The following CARS2 variants were observed in gnomAD, a reference collection of about 807,000 sequenced individuals.
CARS2 encodes the protein probable cysteine--tRNA ligase, mitochondrial.
Under a neutral mutation model 68.8 loss-of-function variants are expected in CARS2, and 52 were observed. The observed-to-expected ratio is 0.76, with a 90% CI of 0.61 to 0.95. The LOEUF is 0.95. Ranked by LOEUF, CARS2 falls within the 40% of genes least tolerant of loss-of-function variation. The pLI, the probability that CARS2 is intolerant of heterozygous loss-of-function variation, is 0.00. For missense variants in CARS2, 780 were observed against 754.2 expected (o/e 1.03, Z -0.40); for synonymous variants, 314 against 303.6 (o/e 1.03, Z -0.36).
At chr13:110,697,713 G>C (rs951306490) in intron 3 of CARS2, among the ~76,000 whole-genome samples, 1 of 152,202 alleles carries the variant, frequency 6.6e-6, no homozygotes, top group African/African-American at 2.4e-5. Context: ...GATTACAGGC[G>C]TGAGCCACTG....
In CARS2 at chr13:110,676,396, C is replaced by A. The variant is rs1258415230; in HGVS notation, c.785+578G>T. On this transcript the variant is annotated intron_variant, in intron 7 of 14. Transcript: ENST00000257347. This position sits in a 1 kb window ranked among gnomAD's most constrained non-coding sequence, Gnocchi z 4.0. ...GGTGTTTCCAGAGTAGGGGATGCCG[C>A]AGTGGGCCAGGAGAGCAGTGTCGTG... Among the ~76,000 whole-genome samples, 1 of 152,180 alleles carries A rather than the reference C, an allele frequency of 6.6e-6. No individual in the cohort carries two copies. The highest frequency in any genetic ancestry group is 1.5e-5 in the Non-Finnish European group (1 of 68,018).
chr13:110,667,969 C>T (rs554157381), intron 7 of CARS2, among the ~76,000 whole-genome samples: 2 of 152,302 alleles, frequency 1.3e-5, no homozygotes, highest in South Asian at 4.1e-4. Context: ...TCTGCAAACC[C>T]ATACAAAAAA....
chr13:110,681,183 G>C (rs1461737441), intron 6 of CARS2, among the ~76,000 whole-genome samples: 1 of 152,282 alleles, frequency 6.6e-6, no homozygotes, highest in African/African-American at 2.4e-5. Context: ...GGAATTACAG[G>C]TGTGAGCCAC....
intron 1 of CARS2, chr13:110,713,100 G>C: frequency 2.1e-6 from 3 of 1,439,418 alleles, no homozygotes; most frequent in Non-Finnish European, 2.7e-6. Context: ...GGAGGACTTG[G>C]GTTTCTAGTA....
At chr13:110,679,886 G>GGTTAAAGA (rs1238985830) in intron 6 of CARS2, among the ~76,000 whole-genome samples, 1 of 152,172 alleles carries the variant, frequency 6.6e-6, no homozygotes, top group Non-Finnish European at 1.5e-5. Flanking sequence ...TAAGGTGATG[G>GGTTAAAGA]CAGCAATGGG....
chr13:110,692,363 C>T (rs987043756), intron 3 of CARS2, among the ~76,000 whole-genome samples: 9 of 151,214 alleles, frequency 6.0e-5, no homozygotes, highest in East Asian at 2.0e-4. Flanking sequence ...CCTGGCTACT[C>T]GGGAGGCTGA....
At chr13:110,671,303 G>A (rs997242438) in intron 7 of CARS2, among the ~76,000 whole-genome samples, 3 of 152,118 alleles carry the variant, frequency 2.0e-5, no homozygotes, top group Non-Finnish European at 4.4e-5. Context: ...AATGTTAAGG[G>A]CAGCCAGAGA....
At chr13:110,652,051 C>T (rs1036577813) in intron 9 of CARS2, among the ~76,000 whole-genome samples, 1 of 152,266 alleles carries the variant, frequency 6.6e-6, no homozygotes, top group Non-Finnish European at 1.5e-5. Flanking sequence ...CCAAAGCCCC[C>T]TTTCCTGCCA....
In CARS2 at chr13:110,665,414, C is replaced by G. The variant is rs2062621346; in HGVS notation, c.920-1896G>C. ...TGAGCTCAGATAGTGCCACTGCACT[C>G]CCAGGCTGGGGGACGGAGCGAAATT... On this transcript the variant is annotated intron_variant, in intron 8 of 14. Coordinates refer to ENST00000257347, the MANE Select transcript of CARS2 (RefSeq NM_024537.4). This position sits in a 1 kb window ranked among gnomAD's most constrained non-coding sequence, Gnocchi z 4.3. 3 of 982,372 alleles carry G rather than the reference C, an allele frequency of 3.1e-6. No homozygotes were observed. Among genetic ancestry groups the G allele is most frequent in the South Asian group, 9.4e-5 (2 of 21,212 alleles). 60.9% of individuals were successfully genotyped at this position (982,372 alleles called of 1,614,324 possible). A position where few individuals can be genotyped will look rare whatever the true frequency, so the allele number is the denominator to read the frequency against.
intron 3 of CARS2, among the ~76,000 whole-genome samples, chr13:110,696,283 C>G (rs1167271121): frequency 6.6e-6 from 1 of 152,140 alleles, no homozygotes; most frequent in Non-Finnish European, 1.5e-5. Context: ...TGGGTATATA[C>G]CCAGTAATGG....
chr13:110,666,701 A>G, intron 8 of CARS2: 1 of 985,446 alleles, frequency 1.0e-6, no homozygotes, highest in Non-Finnish European at 1.2e-6. Flanking sequence ...TCTGTATTTT[A>G]GATGTCGAAG....
Position 110,645,647 on chromosome 13 carries a change from GCTCT to G in CARS2, c.1317+316_1317+319del, listed in dbSNP as rs139078400. 6.8e-4 allele frequency: 171 copies of G among 250,078 alleles called. No individual in the cohort carries two copies. In the East Asian group the frequency reaches 0.013, roughly 19 times the overall value. 15.5% of individuals were successfully genotyped at this position (250,078 alleles called of 1,614,324 possible). A position where few individuals can be genotyped will look rare whatever the true frequency, so the allele number is the denominator to read the frequency against. ...TTTCCTTAAAAAGTTCCCCACAAAA[GCTCT>G]CTCTGTGAAAGGGCCATGAATGCAG... On this transcript the variant is annotated intron_variant, in intron 12 of 14. Transcript: ENST00000257347.
At chr13:110,656,171 T>C (rs562842495) in intron 9 of CARS2, among the ~76,000 whole-genome samples, 5 of 152,056 alleles carry the variant, frequency 3.3e-5, no homozygotes, top group South Asian at 2.1e-4. Flanking sequence ...GGTGTGGTGG[T>C]GTAGGCCTGT....
intron 10 of CARS2, 96 bp from the exon 11 acceptor site, chr13:110,647,335 C>T: frequency 2.1e-6 from 3 of 1,449,872 alleles, no homozygotes; most frequent in Non-Finnish European, 2.8e-6. Context: ...CACTGCCACC[C>T]AGGGACCACA....
intron 2 of CARS2, among the ~76,000 whole-genome samples, chr13:110,704,759 G>C (rs1170086498): frequency 1.3e-5 from 2 of 152,104 alleles, no homozygotes; most frequent in African/African-American, 4.8e-5. Flanking sequence ...AAAGTATACA[G>C]AGTAAATGTA....
In CARS2 at chr13:110,664,014, C is replaced by T. The variant is rs922171928; in HGVS notation, c.920-496G>A. The T allele has an allele frequency of 9.1e-6, 9 of 985,268 alleles. No homozygotes were observed. In the African/African-American group the frequency reaches 1.4e-4, roughly 15 times the overall value. The allele number at this position is 985,268 out of a possible 1,614,324, so 61.0% of individuals were successfully genotyped here. A position where few individuals can be genotyped will look rare whatever the true frequency, so the allele number is the denominator to read the frequency against. On this transcript the variant is annotated intron_variant, in intron 8 of 14. Coordinates refer to ENST00000257347, the MANE Select transcript of CARS2 (RefSeq NM_024537.4). ...AGAGGTCCTGTTGCAGTTGGTTTCA[C>T]AGACTTTGATGACCTGGGTATTATT... is the stretch of plus-strand genomic sequence containing the variant.
At chr13:110,677,365 A>G (rs2062987412) in intron 6 of CARS2, among the ~76,000 whole-genome samples, 1 of 89,324 alleles carries the variant, frequency 1.1e-5, no homozygotes. Context: ...CCACCACGGA[A>G]ACACAGAAAA....
At chr13:110,701,405 C>T in intron 3 of CARS2, 33 bp downstream of exon 3, 1 of 971,096 alleles carries the variant, frequency 1.0e-6, no homozygotes, top group Admixed American at 1.7e-5. Context: ...TAATCAATGG[C>T]ATTATCAATA....
In CARS2 at chr13:110,665,757, G is replaced by A. The variant is rs900113630; in HGVS notation, c.919+1583C>T. ...ACGAAGTCAACGAGGAAGTGACTTC[G>A]GGGCAATCAGCCTCATCTATTTACT... On this transcript the variant is annotated intron_variant, in intron 8 of 14. Transcript: ENST00000257347. The surrounding 1 kb of genome is among the most constrained non-coding windows in gnomAD (Gnocchi z 4.3). The A allele has an allele frequency of 1.2e-5, 12 of 985,238 alleles. No individual in the cohort carries two copies. In the Admixed American group the frequency reaches 2.5e-4, roughly 20 times the overall value. The allele number at this position is 985,238 out of a possible 1,614,324, so 61.0% of individuals were successfully genotyped here. A position where few individuals can be genotyped will look rare whatever the true frequency, so the allele number is the denominator to read the frequency against.
Sources: allele counts gnomAD v4.1 joint callset (sites outside exome capture counted in the v4.1 genomes callset), GRCh38; gene constraint gnomAD v4.1.1; non-coding constraint Gnocchi (gnomAD v3.1); transcripts MANE v1.5; gene names NCBI Gene and HGNC (gene_info 2026-07-23, HGNC 2026-07-21).